The following DCST1 variants were observed in gnomAD, a reference collection of about 807,000 sequenced individuals.
DCST1 encodes E3 ubiquitin-protein ligase DCST1.
In DCST1, 78 loss-of-function variants were observed where a neutral mutation model predicts 89.1. That is an observed-to-expected ratio of 0.88 (90% CI 0.73 to 1.06). The LOEUF (loss-of-function observed/expected upper bound fraction) is 1.06, where lower values mean the gene tolerates loss of function less well. DCST1 is among the 50% of genes least tolerant of loss of function. The probability of loss-of-function intolerance (pLI) is 0.00; values close to 1 mark genes in which losing one functional copy is unlikely to be tolerated. For synonymous variants in DCST1, 364 were observed against 371.9 expected (o/e 0.98, Z 0.24); for missense variants, 900 against 928.6 (o/e 0.97, Z 0.40).
chr1:155,049,540 G>A (rs1172132596), intron 16 of DCST1, among the ~76,000 whole-genome samples: 5 of 151,708 alleles, frequency 3.3e-5, no homozygotes, highest in African/African-American at 7.3e-5. Flanking sequence ...TCAGCTTCCC[G>A]AGTAGCTGGG....
intron 10 of DCST1, 62 bp downstream of exon 10, chr1:155,043,571 G>A: frequency 6.7e-7 from 1 of 1,502,150 alleles, no homozygotes; most frequent in Non-Finnish European, 8.9e-7. Flanking sequence ...CCTGCCCTGA[G>A]GGAGGCTGTA....
chr1:155,045,963 T>TG lies in DCST1; in HGVS notation c.1244dup (p.Cys415TrpfsTer5). ...CAACATCTACATCAGTACCTACTTC[T>TG]GCCAGATCGATGACCGCAGGAAGAA... On this transcript the variant is annotated frameshift_variant, in exon 11 of 17. Transcript: ENST00000295542. LOFTEE classifies it high-confidence loss of function. 6.2e-7 allele frequency: 1 copy of TG among 1,614,222 alleles called. No homozygotes were observed. Among genetic ancestry groups the TG allele is most frequent in the South Asian group, 1.1e-5 (1 of 91,084 alleles).
At chr1:155,048,907 T>A in intron 16 of DCST1, 1 of 653,978 alleles carries the variant, frequency 1.5e-6, no homozygotes, top group Non-Finnish European at 2.8e-6. Context: ...GAAGGCCTCA[T>A]GCAGGGGCAC....
chr1:155,049,056 C>G, intron 16 of DCST1: 1 of 717,424 alleles, frequency 1.4e-6, no homozygotes, highest in Non-Finnish European at 2.6e-6. Context: ...TCTGTAAGGC[C>G]TGCTCACTGG....
chr1:155,044,057 G>C (rs1660525104), intron 10 of DCST1, among the ~76,000 whole-genome samples: 1 of 152,208 alleles, frequency 6.6e-6, no homozygotes, highest in South Asian at 2.1e-4. Context: ...GCTTGGGTGA[G>C]GGCTGCCACA....
At chr1:155,040,172 G>A (rs1410308104) in intron 5 of DCST1, among the ~76,000 whole-genome samples, 3 of 151,600 alleles carry the variant, frequency 2.0e-5, no homozygotes, top group Admixed American at 6.6e-5. Flanking sequence ...ACATGGTGGC[G>A]TGTGCCTGTA....
chr1:155,049,042 G>A, intron 16 of DCST1: 2 of 717,404 alleles, frequency 2.8e-6, no homozygotes, highest in Non-Finnish European at 2.6e-6. Flanking sequence ...CAAGACTGGA[G>A]AGATCTGTAA....
At chr1:155,044,329 C>A (rs187348460) in intron 10 of DCST1, among the ~76,000 whole-genome samples, 3 of 151,946 alleles carry the variant, frequency 2.0e-5, no homozygotes, top group African/African-American at 4.8e-5. Context: ...AAAAAATGAA[C>A]AAAATCAGCC....
At chr1:155,047,968 GCA>G (rs111941107) in intron 15 of DCST1, 39 bp downstream of exon 15, 2,464 of 1,433,974 alleles carry the variant, frequency 1.7e-3, no homozygotes, top group Admixed American at 5.5e-3. Flanking sequence ...CTACACACCT[GCA>G]CACACACACA....
At chr1:155,044,781 A>G (rs559420715) in intron 10 of DCST1, among the ~76,000 whole-genome samples, 1 of 152,346 alleles carries the variant, frequency 6.6e-6, no homozygotes, top group South Asian at 2.1e-4. Context: ...CCCTGCAGGA[A>G]GACCTGGAAC....
intron 16 of DCST1, chr1:155,049,255 T>A: frequency 1.7e-6 from 1 of 573,604 alleles, no homozygotes; most frequent in Non-Finnish European, 3.2e-6. Context: ...AAGGATTAAA[T>A]GAGTTGTACT....
At chr1:155,050,575 C>A (rs543598898) in intron 16 of DCST1, 42 bp from the exon 17 acceptor site, 5 of 1,525,640 alleles carry the variant, frequency 3.3e-6, no homozygotes, top group South Asian at 1.2e-5. Flanking sequence ...CCTTCTTTCC[C>A]GCCTCGCTCC....
At chr1:155,049,273 T>C (rs957761610) in intron 16 of DCST1, 1 of 528,182 alleles carries the variant, frequency 1.9e-6, no homozygotes, top group African/African-American at 1.9e-5. Flanking sequence ...ACTTACATGG[T>C]GCTGGCATGC....
intron 2 of DCST1, 88 bp from the exon 3 acceptor site, chr1:155,034,347 G>T (rs774846004): frequency 1.1e-5 from 17 of 1,608,624 alleles, no homozygotes; most frequent in Non-Finnish European, 1.4e-5. Flanking sequence ...GGTTTCCCCA[G>T]CCTCTATCCA....
intron 10 of DCST1, 64 bp from the exon 11 acceptor site, chr1:155,045,829 A>C (rs1174295881): frequency 7.0e-7 from 1 of 1,427,290 alleles, no homozygotes; most frequent in African/African-American, 1.4e-5. Flanking sequence ...AAGGAAGCCC[A>C]TGTTTGGGGA....
intron 7 of DCST1, 43 bp downstream of exon 7, chr1:155,041,656 G>A: frequency 2.5e-6 from 4 of 1,613,908 alleles, no homozygotes; most frequent in Non-Finnish European, 2.5e-6. Flanking sequence ...GTGGGATGTG[G>A]GGCCAGCATT....
chr1:155,046,337 T>C, intron 12 of DCST1, 23 bp from the exon 13 acceptor site: 1 of 1,614,186 alleles, frequency 6.2e-7, no homozygotes, highest in South Asian at 1.1e-5. Flanking sequence ...TGCCCAGCTC[T>C]GCCCCTCCTG....
At chr1:155,047,993 C>T in intron 15 of DCST1, 64 bp downstream of exon 15, 3 of 1,612,706 alleles carry the variant, frequency 1.9e-6, no homozygotes, top group Non-Finnish European at 1.7e-6. Context: ...CACCACCCAG[C>T]TCCCTACCAA....
At chr1:155,036,892 G>C (rs982367888) in intron 4 of DCST1, among the ~76,000 whole-genome samples, 15 of 152,248 alleles carry the variant, frequency 9.9e-5, no homozygotes, top group Admixed American at 6.5e-5. Flanking sequence ...GGCTGGGAGT[G>C]CACACGTCCG....
Sources: allele counts gnomAD v4.1 joint callset (sites outside exome capture counted in the v4.1 genomes callset), GRCh38; gene constraint gnomAD v4.1.1; transcripts MANE v1.5; gene names NCBI Gene and HGNC (gene_info 2026-07-23, HGNC 2026-07-21).